CDH4: variants seen among roughly 807,000 people sequenced by gnomAD.
The protein encoded by CDH4 is cadherin-4.
CDH4 carries 33 observed loss-of-function variants against 86.0 expected under a neutral mutation model. That is an observed-to-expected ratio of 0.38 (90% CI 0.29 to 0.51). The LOEUF is 0.51. CDH4 is among the 20% of genes least tolerant of loss of function. The pLI, the probability that CDH4 is intolerant of heterozygous loss-of-function variation, is 0.86. For missense variants in CDH4, 1,114 were observed against 1,307.4 expected, an observed-to-expected ratio of 0.85 and a Z score of 2.28; for synonymous variants, 555 against 549.4, an observed-to-expected ratio of 1.01 and a Z score of -0.14.
At chr20:61,669,131 C>T (rs570118786) in intron 2 of CDH4, among the ~76,000 whole-genome samples, 4 of 152,340 alleles carry the variant, frequency 2.6e-5, no homozygotes, top group African/African-American at 9.6e-5. Flanking sequence ...AGTTAAGGAG[C>T]GGGCATGGGC....
intron 2 of CDH4, among the ~76,000 whole-genome samples, chr20:61,563,252 A>G (rs1402851796): frequency 6.6e-6 from 1 of 152,228 alleles, no homozygotes; most frequent in African/African-American, 2.4e-5. Context: ...CAGGAAAGCA[A>G]TGTGAAAGTA....
intron 8 of CDH4, 117 bp downstream of exon 8, chr20:61,895,164 C>T (rs937486396): frequency 1.4e-5 from 18 of 1,285,106 alleles, no homozygotes; most frequent in African/African-American, 1.2e-4. Flanking sequence ...TGGCAGATAG[C>T]GTGTAAGAAA....
chr20:61,652,808 A>T (rs1460158103), intron 2 of CDH4, among the ~76,000 whole-genome samples: 3 of 149,474 alleles, frequency 2.0e-5, no homozygotes, highest in East Asian at 2.0e-4. Context: ...AAAAAAAAAA[A>T]ATACATTTTC....
chr20:61,694,800 C>T lies in CDH4; in HGVS notation c.170-48763C>T, dbSNP rs546626555. Among the ~76,000 whole-genome samples the T allele has an allele frequency of 2.0e-5, 3 of 152,332 alleles. No homozygotes were observed. In the South Asian group the frequency reaches 6.2e-4, roughly 32 times the overall value. ...AGAGGAGATTAGCAGGCGGTTTTCT[C>T]CTCTGCACGGGAGCCACCTTCACAA... On this transcript the variant is annotated intron_variant, in intron 2 of 15. Transcript: ENST00000614565.
intron 2 of CDH4, among the ~76,000 whole-genome samples, chr20:61,723,629 C>T (rs1391465718): frequency 6.6e-6 from 1 of 152,246 alleles, no homozygotes; most frequent in African/African-American, 2.4e-5. Flanking sequence ...GTGAACGCAC[C>T]TGGGACAAGA....
At chr20:61,485,354 A>T (rs2085590297) in intron 2 of CDH4, among the ~76,000 whole-genome samples, 1 of 152,188 alleles carries the variant, frequency 6.6e-6, no homozygotes, top group African/African-American at 2.4e-5. Context: ...CTCCAAGAAC[A>T]TTCCCTATTG....
chr20:61,294,149 C>T (rs2084338971), intron 2 of CDH4, among the ~76,000 whole-genome samples: 2 of 152,108 alleles, frequency 1.3e-5, no homozygotes, highest in South Asian at 2.1e-4. Flanking sequence ...TCAGACTGGC[C>T]GGGCCAGCCA....
intron 2 of CDH4, among the ~76,000 whole-genome samples, chr20:61,648,118 A>G (rs1464491701): frequency 6.6e-6 from 1 of 152,234 alleles, no homozygotes; most frequent in Non-Finnish European, 1.5e-5. Flanking sequence ...AGAGGAGCGC[A>G]GGTGCAGAAG....
intron 2 of CDH4, among the ~76,000 whole-genome samples, chr20:61,357,556 TC>T (rs1477298655): frequency 6.6e-6 from 1 of 152,180 alleles, no homozygotes; most frequent in Non-Finnish European, 1.5e-5. Flanking sequence ...TGGTTCCATA[TC>T]CCCATTCCTA....
chr20:61,724,516 C>CA (rs2088086939), intron 2 of CDH4, among the ~76,000 whole-genome samples: 1 of 152,226 alleles, frequency 6.6e-6, no homozygotes, highest in South Asian at 2.1e-4. Flanking sequence ...TCAGAGACTG[C>CA]AGTGTTGGCT....
chr20:61,666,152 C>A (rs904688297), intron 2 of CDH4, among the ~76,000 whole-genome samples: 1 of 152,198 alleles, frequency 6.6e-6, no homozygotes, highest in Non-Finnish European at 1.5e-5. Flanking sequence ...AAGGCCATGG[C>A]CTCCTGCCCT....
At chr20:61,564,951 T>C (rs1455077743) in intron 2 of CDH4, among the ~76,000 whole-genome samples, 1 of 152,132 alleles carries the variant, frequency 6.6e-6, no homozygotes, top group East Asian at 1.9e-4. Flanking sequence ...CATGTTACCA[T>C]TTGTTTTCAT....
intron 2 of CDH4, among the ~76,000 whole-genome samples, chr20:61,704,561 C>T (rs574451380): frequency 2.9e-4 from 44 of 152,268 alleles, no homozygotes; most frequent in African/African-American, 9.6e-4. Context: ...TGGTGGGATC[C>T]GGTGGCCACA....
chr20:61,716,914 AT>A (rs1342020359), intron 2 of CDH4, among the ~76,000 whole-genome samples: 1 of 152,174 alleles, frequency 6.6e-6, no homozygotes, highest in Middle Eastern at 3.2e-3. Context: ...TCTCAAAAAA[AT>A]AAATAAATAA....
intron 2 of CDH4, among the ~76,000 whole-genome samples, chr20:61,509,301 G>A (rs1280359664): frequency 2.0e-5 from 3 of 151,874 alleles, no homozygotes; most frequent in Admixed American, 6.6e-5. Context: ...CCCTCAGAGG[G>A]ACCCGCCCAC....
intron 2 of CDH4, among the ~76,000 whole-genome samples, chr20:61,287,294 C>T (rs900150638): frequency 2.6e-5 from 4 of 152,052 alleles, no homozygotes; most frequent in East Asian, 1.9e-4. Flanking sequence ...TGGGCAACAT[C>T]GAGAGACCTG....
In CDH4 at chr20:61,292,768, T is replaced by C. The variant is rs933554832; in HGVS notation, c.169+37831T>C. ...CAGAAACACGAGAAAATAGAGAAAC[T>C]TGGGCAATGCTGTTTTTGTTTTTGT... On this transcript the variant is annotated intron_variant, in intron 2 of 15. Coordinates refer to ENST00000614565, the MANE Select transcript of CDH4 (RefSeq NM_001794.5). Among the ~76,000 whole-genome samples the C allele has an allele frequency of 2.6e-5, 4 of 152,240 alleles. No individual in the cohort carries two copies. The East Asian group carries it at 7.7e-4, about 29-fold the overall frequency.
rs371249392 is a variant in CDH4 at position 61,781,447 on chromosome 20, A to C, written c.576+8265A>C. ...GAAAAAAAAATTTGATACTCTAAAA[A>C]TATAACCAAATAGAAATGATAAAAC... On this transcript the variant is annotated intron_variant, in intron 4 of 15. Coordinates refer to ENST00000614565, the MANE Select transcript of CDH4 (RefSeq NM_001794.5). Among the ~76,000 whole-genome samples the C allele has an allele frequency of 1.4e-4, 21 of 152,368 alleles. No homozygotes were observed. In the East Asian group the frequency reaches 3.9e-3, roughly 28 times the overall value.
intron 2 of CDH4, among the ~76,000 whole-genome samples, chr20:61,698,150 G>T (rs945296069): frequency 1.3e-5 from 2 of 152,164 alleles, no homozygotes; most frequent in Non-Finnish European, 2.9e-5. Context: ...CCCTCGGAGG[G>T]GTCCCCTTGC....
Sources: gnomAD v4.1 joint callset for allele counts (sites outside exome capture counted in the v4.1 genomes callset) on GRCh38, gnomAD v4.1.1 for gene constraint, MANE v1.5 for transcripts, NCBI Gene and HGNC (gene_info 2026-07-23, HGNC 2026-07-21) for gene names.